The following ZMYM2 variants were observed in gnomAD, a reference collection of about 807,000 sequenced individuals.
ZMYM2 encodes the protein zinc finger MYM-type containing 2, also known as zinc finger MYM-type protein 2.
Under a neutral mutation model 162.8 loss-of-function variants are expected in ZMYM2, and 56 were observed. The ratio of observed to expected loss-of-function variants is 0.34; its 90% confidence interval spans 0.28 to 0.43. The LOEUF (loss-of-function observed/expected upper bound fraction) is 0.43, where lower values mean the gene tolerates loss of function less well. Among genes scored for constraint, ZMYM2 ranks in the 20% least tolerant of loss-of-function variants. The pLI, the probability that ZMYM2 is intolerant of heterozygous loss-of-function variation, is 1.00. For synonymous variants in ZMYM2, 510 were observed against 541.6 expected, an observed-to-expected ratio of 0.94 and a Z score of 0.81; for missense variants, 1,275 against 1,621.8, an observed-to-expected ratio of 0.79 and a Z score of 3.67.
At chr13:20,042,297 A>T (rs1375262771) in intron 12 of ZMYM2, among the ~76,000 whole-genome samples, 1 of 151,978 alleles carries the variant, frequency 6.6e-6, no homozygotes, top group Non-Finnish European at 1.5e-5. Flanking sequence ...GTCTTATTTC[A>T]CAAGGCCAGT....
intron 21 of ZMYM2, among the ~76,000 whole-genome samples, chr13:20,074,833 C>T (rs1227185625): frequency 6.6e-6 from 1 of 152,342 alleles, no homozygotes; most frequent in South Asian, 2.1e-4. Flanking sequence ...CCACTGCGCC[C>T]GGCCTTCCTT....
At chr13:19,870,689 C>T in the ZMYM2 span, among the ~76,000 whole-genome samples, 7 of 151,650 alleles carry the variant, frequency 4.6e-5, no homozygotes, top group South Asian at 2.1e-4. Context: ...CACAGTAGTG[C>T]GATCTCGGCT....
intron 6 of ZMYM2, among the ~76,000 whole-genome samples, chr13:20,019,099 A>G (rs1209417605): frequency 1.3e-4 from 2 of 15,280 alleles, no homozygotes; most frequent in Non-Finnish European, 2.8e-4. Context: ...AAAAACAACA[A>G]CAACAACAAA....
At position 20,037,455 on chromosome 13, in the gene ZMYM2, A is replaced by G. The variant is rs182245057; in HGVS notation, c.2292+546A>G. 2.4e-4 allele frequency among the ~76,000 whole-genome samples: 36 copies of G among 152,118 alleles called. No individual in the cohort carries two copies. In the East Asian group the frequency reaches 6.8e-3, roughly 29 times the overall value. On this transcript the variant is annotated intron_variant, in intron 12 of 24. Coordinates refer to ENST00000610343, the MANE Select transcript of ZMYM2 (RefSeq NM_197968.4). ...GGTCTCGAACTCCTGACCTCAGGTG[A>G]TCTGCCCGCCTCAGCCCCAAAGTGC... is the stretch of plus-strand genomic sequence containing the variant.
At chr13:19,904,850 A>G in the ZMYM2 span, among the ~76,000 whole-genome samples, 2 of 152,240 alleles carry the variant, frequency 1.3e-5, no homozygotes, top group South Asian at 4.1e-4. Context: ...CCCATGTTGT[A>G]TCATGTACAG....
In ZMYM2 at chr13:19,973,226, T is replaced by C. The variant is rs144547922; in HGVS notation, c.-11+13200T>C. Among the ~76,000 whole-genome samples the C allele has an allele frequency of 1.3e-4, 20 of 151,908 alleles. 1 individual carries two copies. In the East Asian group the frequency reaches 3.7e-3, roughly 28 times the overall value. ...TGCTGAGATTACAGGCATTAGCCAC[T>C]GCGCCCAGCTACAAGTATATATATT... On this transcript the variant is annotated intron_variant, in intron 2 of 24. Coordinates refer to ENST00000610343, the MANE Select transcript of ZMYM2 (RefSeq NM_197968.4).
the ZMYM2 span, among the ~76,000 whole-genome samples, chr13:19,875,836 A>G: frequency 1.1e-4 from 17 of 151,924 alleles, no homozygotes; most frequent in Non-Finnish European, 1.0e-4. Flanking sequence ...GGGGAGGAAA[A>G]GAGGGGAAAA....
intron 7 of ZMYM2, chr13:20,024,897 T>C (rs1411162919): frequency 1.9e-5 from 4 of 215,962 alleles, no homozygotes; most frequent in African/African-American, 4.5e-5. Context: ...TTAGTTGATA[T>C]TTCAGTAAAT....
the ZMYM2 span, among the ~76,000 whole-genome samples, chr13:19,926,360 ATTTTT>A: frequency 9.5e-6 from 1 of 105,446 alleles, no homozygotes. Context: ...AGGACTACTT[ATTTTT>A]TTTTTTTTTT....
At chr13:19,948,577 G>T in the ZMYM2 span, among the ~76,000 whole-genome samples, 1 of 152,210 alleles carries the variant, frequency 6.6e-6, no homozygotes, top group Non-Finnish European at 1.5e-5. Flanking sequence ...ACAGCAGAAA[G>T]ATCAATGGTT....
intron 14 of ZMYM2, among the ~76,000 whole-genome samples, chr13:20,057,919 C>T (rs909282708): frequency 1.3e-5 from 2 of 152,084 alleles, no homozygotes; most frequent in African/African-American, 4.8e-5. Flanking sequence ...ATTTTTACTC[C>T]CTTACGCTCA....
At position 20,067,272 on chromosome 13, in the gene ZMYM2, C is replaced by T; in HGVS notation, c.3335C>T (p.Ser1112Phe). 2 of 1,578,192 alleles carry T rather than the reference C, an allele frequency of 1.3e-6. No homozygotes were observed. Among genetic ancestry groups the T allele is most frequent in the Non-Finnish European group, 1.7e-6 (2 of 1,160,782 alleles). ...GTAAAGTTAAAAGAGGATCTACTCT[C>T]TCACACCACAGCTGAGCTTAACTAT... is the stretch of plus-strand genomic sequence containing the variant. ...KSVKLKEDLL[S>F]HTTAELNYGL... The change falls in exon 21 of 25, where the codon TCT becomes TTT. Residue 1112 changes from serine (S) to phenylalanine (F), a missense_variant. By Grantham distance (155) the Ser-to-Phe change is radical. This residue lies in a region of ZMYM2 where 229 missense variants were observed against 283.8 expected (regional missense o/e 0.81). Transcript: ENST00000610343.
chr13:19,918,500 T>TTC, the ZMYM2 span, among the ~76,000 whole-genome samples: 1 of 129,396 alleles, frequency 7.7e-6, no homozygotes, highest in Non-Finnish European at 1.5e-5. Flanking sequence ...TCTTTCTTTT[T>TTC]TTTTTTTTTT....
At chr13:20,048,735 T>C (rs938986951) in intron 12 of ZMYM2, among the ~76,000 whole-genome samples, 4 of 151,550 alleles carry the variant, frequency 2.6e-5, no homozygotes, top group African/African-American at 9.7e-5. Flanking sequence ...AGCTGATAGG[T>C]TGGATTAAGG....
intron 6 of ZMYM2, among the ~76,000 whole-genome samples, chr13:20,016,069 A>G (rs1483273177): frequency 3.3e-5 from 5 of 151,790 alleles, no homozygotes; most frequent in Admixed American, 2.6e-4. Flanking sequence ...GGTATATTCT[A>G]TACCTTTTTT....
At chr13:19,867,124 G>A in the ZMYM2 span, among the ~76,000 whole-genome samples, 1 of 151,950 alleles carries the variant, frequency 6.6e-6, no homozygotes, top group Non-Finnish European at 1.5e-5. Context: ...AAGCTGAGGC[G>A]GGTGGATCAC....
At position 20,055,464 on chromosome 13, in the gene ZMYM2, T is replaced by C. The variant is rs142093746; in HGVS notation, c.2494-3111T>C. 1.1e-3 allele frequency among the ~76,000 whole-genome samples: 171 copies of C among 152,328 alleles called. 1 individual carries two copies. The Middle Eastern group carries it at 0.017, about 15-fold the overall frequency. On this transcript the variant is annotated intron_variant, in intron 14 of 24. Coordinates refer to ENST00000610343, the MANE Select transcript of ZMYM2 (RefSeq NM_197968.4). The stretch of plus-strand genomic sequence containing the variant: ...TAGTGTCAGGGTGTTTTGTTTTTGT[T>C]GTTTGCATTTTTGTGTTTTCTGTTG...
At chr13:19,864,601 G>A in the ZMYM2 span, 1 of 153,052 alleles carries the variant, frequency 6.5e-6, no homozygotes, top group Non-Finnish European at 1.5e-5. Flanking sequence ...CTGCCCTGGG[G>A]CGTCCCTGGG....
chr13:19,998,699 C>T (rs922586193), intron 3 of ZMYM2, among the ~76,000 whole-genome samples: 5 of 152,138 alleles, frequency 3.3e-5, no homozygotes, highest in Non-Finnish European at 7.3e-5. Context: ...GTTTCTCCAA[C>T]TAAGGGGTAT....
Sources: allele counts gnomAD v4.1 joint callset (sites outside exome capture counted in the v4.1 genomes callset), GRCh38; gene constraint gnomAD v4.1.1; regional missense constraint gnomAD v4.1.1; transcripts MANE v1.5; gene names NCBI Gene and HGNC (gene_info 2026-07-23, HGNC 2026-07-21).